MTAP: variants seen among roughly 807,000 people sequenced by gnomAD.
MTAP encodes S-methyl-5'-thioadenosine phosphorylase.
Under a neutral mutation model 33.6 loss-of-function variants are expected in MTAP, and 33 were observed. The ratio of observed to expected loss-of-function variants is 0.98; its 90% CI spans 0.74 to 1.31. MTAP has a LOEUF of 1.31. Ranked by LOEUF, MTAP falls within the 40% of genes most tolerant of loss-of-function variation. The pLI is 0.00. For synonymous variants in MTAP, 148 were observed against 125.7 expected, an observed-to-expected ratio of 1.18 and a Z score of -1.19; for missense variants, 367 against 360.0, an observed-to-expected ratio of 1.02 and a Z score of -0.16.
At chr9:21,880,877 A>G (rs1003791766) in intron 1 of MTAP, among the ~76,000 whole-genome samples, 4 of 152,016 alleles carry the variant, frequency 2.6e-5, no homozygotes, top group South Asian at 2.1e-4. Context: ...AAAAATCTCA[A>G]TGGCATTTTT....
intron 1 of MTAP, among the ~76,000 whole-genome samples, chr9:21,896,806 A>G (rs1210026114): frequency 3.3e-5 from 5 of 152,204 alleles, no homozygotes; most frequent in Admixed American, 2.6e-4. Flanking sequence ...CAGAAGTACA[A>G]AGAGGAGCTG....
intron 1 of MTAP, among the ~76,000 whole-genome samples, chr9:21,883,892 G>C (rs1316846500): frequency 6.6e-6 from 1 of 152,076 alleles, no homozygotes; most frequent in African/African-American, 2.4e-5. Context: ...GCTCTGTGTT[G>C]TGAGCCTCTG....
At position 21,838,850 on chromosome 9, in the gene MTAP, T is replaced by A. The variant is rs1047698783; in HGVS notation, c.450+840T>A. Among the ~76,000 whole-genome samples, 94 of 152,242 alleles carry A rather than the reference T, an allele frequency of 6.2e-4. 1 individual carries two copies. The highest frequency in any genetic ancestry group is 1.8e-4 in the Non-Finnish European group (12 of 68,022). ...ATCAGAAGTATCGTTAGAGATTAAC[T>A]GCTTCATAAAATCTCCCTTATGAGT... On this transcript the variant is annotated intron_variant, in intron 5 of 7. Coordinates refer to ENST00000644715, the MANE Select transcript of MTAP (RefSeq NM_002451.4).
chr9:21,888,808 G>A (rs926575464), intron 1 of MTAP, among the ~76,000 whole-genome samples: 48 of 151,998 alleles, frequency 3.2e-4, no homozygotes, highest in Admixed American at 1.0e-3. Flanking sequence ...GAAATTCGTC[G>A]CAAAAAGATC....
chr9:21,904,759 C>A (rs1818448356), intron 1 of MTAP, among the ~76,000 whole-genome samples: 1 of 152,180 alleles, frequency 6.6e-6, no homozygotes, highest in Non-Finnish European at 1.5e-5. Flanking sequence ...TTGTCTCGAT[C>A]TACTTAGAAC....
chr9:21,925,728 T>C (rs945325931), intron 1 of MTAP, among the ~76,000 whole-genome samples: 1 of 148,260 alleles, frequency 6.7e-6, no homozygotes, highest in African/African-American at 2.6e-5. Flanking sequence ...CAATTCCTGA[T>C]GGCCTTAAGC....
intron 7 of MTAP, chr9:21,859,872 C>T (rs1045407952): frequency 1.3e-5 from 2 of 152,662 alleles, no homozygotes; most frequent in African/African-American, 4.8e-5. Flanking sequence ...GTTAATCATG[C>T]ATCAAACTAA....
At chr9:21,811,833 TAGC>T in intron 1 of MTAP, 1 of 485,104 alleles carries the variant, frequency 2.1e-6, no homozygotes, top group South Asian at 1.5e-5. Context: ...AGATCCTAGA[TAGC>T]AGTGTTGTTG....
chr9:21,825,190 G>A (rs1824759718), intron 4 of MTAP, among the ~76,000 whole-genome samples: 1 of 152,156 alleles, frequency 6.6e-6, no homozygotes, highest in Non-Finnish European at 1.5e-5. Context: ...CTTCTGCATT[G>A]CTCATGCTGG....
At chr9:21,885,779 G>GGT (rs34691018) in intron 1 of MTAP, among the ~76,000 whole-genome samples, 7,776 of 144,298 alleles carry the variant, frequency 0.054, 253 homozygotes, top group African/African-American at 0.091. Context: ...AGTATTACAT[G>GGT]GTGTGTGTGT....
rs766183001 is a variant in MTAP, at chr9:21,863,435, G to A, written c.*1421G>A. The A allele has an allele frequency of 2.2e-5, 14 of 630,654 alleles. No homozygotes were observed. The highest frequency in any genetic ancestry group is 1.6e-4 in the African/African-American group (8 of 50,308). The allele number at this position is 630,654 out of a possible 1,614,324, so 39.1% of individuals were successfully genotyped here. A position where few individuals can be genotyped will look rare whatever the true frequency, so the allele number is the denominator to read the frequency against. On this transcript the variant is annotated 3_prime_UTR_variant, in exon 8 of 8. Transcript: ENST00000644715. The stretch of plus-strand genomic sequence containing the variant: ...ATCCTGGCTAATGCGTTGAAACTCC[G>A]TCTCTACTAAAAATACAAAAAATTA...
chr9:21,821,673 T>G (rs1318146644), intron 4 of MTAP, among the ~76,000 whole-genome samples: 1 of 152,190 alleles, frequency 6.6e-6, no homozygotes, highest in East Asian at 1.9e-4. Flanking sequence ...TCTTTTTTTA[T>G]TGATTGGAAT....
chr9:21,893,090 C>T (rs1341082234), intron 1 of MTAP: 1 of 152,092 alleles, frequency 6.6e-6, no homozygotes, highest in Non-Finnish European at 1.5e-5. Flanking sequence ...AACAAAAGTA[C>T]AACATACCAG....
At chr9:21,926,043 G>T (rs7869195) in intron 1 of MTAP, among the ~76,000 whole-genome samples, 9 of 152,116 alleles carry the variant, frequency 5.9e-5, no homozygotes, top group African/African-American at 2.2e-4. Context: ...TTTAGACTAG[G>T]GGCTTAGTTA....
intron 5 of MTAP, 28 bp downstream of exon 5, chr9:21,838,038 A>C (rs1473535997): frequency 5.0e-6 from 8 of 1,590,480 alleles, no homozygotes; most frequent in Non-Finnish European, 6.9e-6. Context: ...AAGGTGTACC[A>C]GAATAAATCA....
At chr9:21,859,577 A>C (rs1825712118) in intron 7 of MTAP, 152 bp downstream of exon 7, 8 of 737,128 alleles carry the variant, frequency 1.1e-5, no homozygotes, top group African/African-American at 1.8e-5. Context: ...CATACCAACC[A>C]CTTGTGAAAC....
chr9:21,813,242 T>C (rs72691561), intron 1 of MTAP, among the ~76,000 whole-genome samples: 55,396 of 152,126 alleles, frequency 0.36, 11,183 homozygotes, highest in South Asian at 0.55. Context: ...GGGACTCAGT[T>C]GCTACACTTG....
rs958399226 is a variant in MTAP, at chr9:21,855,374, T to C, written c.690+504T>C. Among the ~76,000 whole-genome samples the C allele has an allele frequency of 6.6e-5, 10 of 152,152 alleles. 1 individual carries two copies. Among genetic ancestry groups the C allele is most frequent in the Non-Finnish European group, 1.3e-4 (9 of 68,028 alleles). ...TGGAGATAGAAGTTAAGCAAACCAATATAAGAAAGCTAACGGTTATAAAGA... is the reference window on the plus strand; with the variant it reads ...TGGAGATAGAAGTTAAGCAAACCAACATAAGAAAGCTAACGGTTATAAAGA... On this transcript the variant is annotated intron_variant, in intron 6 of 7. Transcript: ENST00000644715.
intron 7 of MTAP, chr9:21,860,358 C>G (rs1325432778): frequency 2.6e-5 from 4 of 152,202 alleles, no homozygotes; most frequent in Non-Finnish European, 5.9e-5. Context: ...GTGATACACA[C>G]AGCTCTTGCA....
Sources: gnomAD v4.1 joint callset for allele counts (sites outside exome capture counted in the v4.1 genomes callset) on GRCh38, gnomAD v4.1.1 for gene constraint, MANE v1.5 for transcripts, NCBI Gene and HGNC (gene_info 2026-07-23, HGNC 2026-07-21) for gene names.